Variants in LAMA3 observed in about 807,000 individuals in gnomAD.
The protein encoded by LAMA3 is laminin subunit alpha 3.
In LAMA3, 281 loss-of-function variants were observed where a neutral mutation model predicts 402.0. The observed-to-expected ratio is 0.70, with a 90% confidence interval of 0.63 to 0.77. LAMA3 has a LOEUF of 0.77. Among genes scored for constraint, LAMA3 ranks in the 30% least tolerant of loss-of-function variants. The probability of loss-of-function intolerance (pLI) is 0.00; values close to 1 mark genes in which losing one functional copy is unlikely to be tolerated. For missense variants in LAMA3, 3,840 were observed against 4,215.5 expected (o/e 0.91, Z 2.47); for synonymous variants, 1,431 against 1,558.4 (o/e 0.92, Z 1.93).
chr18:23,797,044 G>A (rs2062776645), intron 12 of LAMA3, among the ~76,000 whole-genome samples: 1 of 152,152 alleles, frequency 6.6e-6, no homozygotes, highest in Admixed American at 6.5e-5. Flanking sequence ...TAAAGTCGTG[G>A]CTCAAGTGAA....
chr18:23,737,618 C>T (rs1210479354), intron 2 of LAMA3, among the ~76,000 whole-genome samples: 2 of 152,210 alleles, frequency 1.3e-5, no homozygotes, highest in African/African-American at 2.4e-5. Context: ...TTTGAGCTGT[C>T]CTGTTTTACG....
At chr18:23,827,802 C>T (rs1282562659) in intron 23 of LAMA3, among the ~76,000 whole-genome samples, 3 of 152,132 alleles carry the variant, frequency 2.0e-5, no homozygotes, top group Admixed American at 2.0e-4. Flanking sequence ...AGATGAGACT[C>T]AATCTAGTAA....
At chr18:23,888,096 A>G (rs769113983) in intron 41 of LAMA3, among the ~76,000 whole-genome samples, 2 of 152,250 alleles carry the variant, frequency 1.3e-5, no homozygotes, top group Non-Finnish European at 2.9e-5. Flanking sequence ...AAAATAAAGT[A>G]TTCTAGAACA....
intron 61 of LAMA3, among the ~76,000 whole-genome samples, 169 bp from the exon 62 acceptor site, chr18:23,921,283 A>T (rs557071008): frequency 6.6e-6 from 1 of 152,330 alleles, no homozygotes; most frequent in Admixed American, 6.5e-5. Flanking sequence ...TTCTATCAAA[A>T]TGTTTTAGTA....
intron 8 of LAMA3, among the ~76,000 whole-genome samples, chr18:23,768,968 T>C (rs1313834581): frequency 6.6e-6 from 1 of 152,082 alleles, no homozygotes. Flanking sequence ...GTGGAAACAA[T>C]AGACACTGGG....
chr18:23,909,396 T>C (rs903592891), intron 55 of LAMA3, 101 bp downstream of exon 55: 15 of 1,134,800 alleles, frequency 1.3e-5, no homozygotes, highest in Non-Finnish European at 1.7e-5. Flanking sequence ...AAGAATTGGT[T>C]GTCTTTCTTT....
At chr18:23,796,345 A>G (rs1196046009) in intron 12 of LAMA3, among the ~76,000 whole-genome samples, 2 of 152,156 alleles carry the variant, frequency 1.3e-5, no homozygotes, top group Non-Finnish European at 2.9e-5. Flanking sequence ...CTTCCCCCAT[A>G]TCCACAGAAC....
At chr18:23,782,875 A>G (rs1258607484) in intron 11 of LAMA3, among the ~76,000 whole-genome samples, 1 of 151,566 alleles carries the variant, frequency 6.6e-6, no homozygotes, top group African/African-American at 2.4e-5. Context: ...TTTTTGAGCA[A>G]TATTTATTTC....
chr18:23,921,356 G>A (rs2081830218), intron 61 of LAMA3, 96 bp from the exon 62 acceptor site: 2 of 1,334,482 alleles, frequency 1.5e-6, no homozygotes, highest in Non-Finnish European at 2.0e-6. Flanking sequence ...AAATGAATCT[G>A]GGGGAAGATA....
intron 2 of LAMA3, among the ~76,000 whole-genome samples, chr18:23,735,544 T>A (rs1482358651): frequency 1.3e-5 from 2 of 152,184 alleles, no homozygotes; most frequent in African/African-American, 4.8e-5. Context: ...TTCATAAGCA[T>A]CTGCTCTGAC....
intron 8 of LAMA3, 132 bp from the exon 9 acceptor site, chr18:23,773,365 T>A (rs1013056109): frequency 1.2e-5 from 9 of 739,730 alleles, no homozygotes; most frequent in African/African-American, 8.7e-5. Context: ...AATGCTTTTT[T>A]AAATTATTAT....
At chr18:23,803,538 C>G (rs1198017595) in intron 12 of LAMA3, among the ~76,000 whole-genome samples, 2 of 152,196 alleles carry the variant, frequency 1.3e-5, no homozygotes, top group Non-Finnish European at 2.9e-5. Flanking sequence ...TTCACTCAGA[C>G]CCTTCCCCAG....
Position 23,713,937 on chromosome 18 carries a change from T to C in LAMA3, c.312T>C (p.Tyr104=), listed in dbSNP as rs376865778. The C allele has an allele frequency of 5.3e-4, 858 of 1,613,768 alleles. 12 individuals carry two copies. In the South Asian group the frequency reaches 8.8e-3, roughly 17 times the overall value. Residue 104 remains tyrosine, a synonymous_variant, in exon 2 of 75, where the codon TAT becomes TAC. Coordinates refer to ENST00000313654, the MANE Select transcript of LAMA3 (RefSeq NM_198129.4). ...TTTTTCAGGGCCAGTTCTGTGACTA[T>C]TGCAATTCTGAAGACCCCAGGAAAG... ...GHTIQGQFCD[Y]CNSEDPRKAH...
chr18:23,916,873 T>C (rs2081645181), intron 60 of LAMA3, among the ~76,000 whole-genome samples, 178 bp downstream of exon 60: 1 of 152,172 alleles, frequency 6.6e-6, no homozygotes, highest in Admixed American at 6.5e-5. Flanking sequence ...TACTTTTTTT[T>C]TTTTTTTAAC....
At chr18:23,836,294 C>G (rs892133908) in intron 24 of LAMA3, among the ~76,000 whole-genome samples, 1 of 152,130 alleles carries the variant, frequency 6.6e-6, no homozygotes, top group Non-Finnish European at 1.5e-5. Context: ...AGAAATAGTC[C>G]TTTTGTTTTA....
rs993193845 is a variant in LAMA3 at position 23,698,496 on chromosome 18, C to T, written c.294+8519C>T. 2.2e-4 allele frequency among the ~76,000 whole-genome samples: 34 copies of T among 152,186 alleles called. 1 individual carries two copies. Among genetic ancestry groups the T allele is most frequent in the Admixed American group, 2.0e-3 (31 of 15,276 alleles). On this transcript the variant is annotated intron_variant, in intron 1 of 74. Transcript: ENST00000313654. ...CTGGGATTACAGGCGTGAGCCACCGCGCCCCACCTCTCTTCTTTTTTATCT... is the reference window on the plus strand; with the variant it reads ...CTGGGATTACAGGCGTGAGCCACCGTGCCCCACCTCTCTTCTTTTTTATCT...
intron 12 of LAMA3, among the ~76,000 whole-genome samples, chr18:23,798,240 G>A (rs2062804496): frequency 6.6e-6 from 1 of 152,154 alleles, no homozygotes; most frequent in African/African-American, 2.4e-5. Flanking sequence ...AGGCAGGAAT[G>A]CGGAAACGGG....
At chr18:23,895,170 T>C (rs578182064) in intron 44 of LAMA3, 112 bp downstream of exon 44, 2 of 1,226,442 alleles carry the variant, frequency 1.6e-6, no homozygotes, top group African/African-American at 3.0e-5. Context: ...GGGGTTGTCC[T>C]CCTTCCTCTG....
chr18:23,923,456 C>CACA (rs1222086438), intron 62 of LAMA3, among the ~76,000 whole-genome samples: 1 of 152,194 alleles, frequency 6.6e-6, no homozygotes, highest in African/African-American at 2.4e-5. Flanking sequence ...GGCAGCACTG[C>CACA]ACAATGGCTT....
Sources: allele counts gnomAD v4.1 joint callset (sites outside exome capture counted in the v4.1 genomes callset), GRCh38; gene constraint gnomAD v4.1.1; transcripts MANE v1.5; gene names NCBI Gene and HGNC (gene_info 2026-07-23, HGNC 2026-07-21).